Variants in GPHN observed in about 807,000 individuals in gnomAD.
GPHN encodes the protein gephyrin.
A neutral mutation model predicts 95.5 loss-of-function variants in GPHN; 17 were observed. The ratio of observed to expected loss-of-function variants is 0.18; its 90% CI spans 0.12 to 0.27. The LOEUF (loss-of-function observed/expected upper bound fraction) is 0.27, where lower values mean the gene tolerates loss of function less well. Among genes scored for constraint, GPHN ranks in the 10% least tolerant of loss-of-function variants. The pLI is 1.00. For synonymous variants in GPHN, 320 were observed against 322.5 expected, an observed-to-expected ratio of 0.99 and a Z score of 0.08; for missense variants, 660 against 978.1, an observed-to-expected ratio of 0.67 and a Z score of 4.34.
At chr14:66,852,923 A>G (rs1364556740) in intron 4 of GPHN, among the ~76,000 whole-genome samples, 1 of 152,194 alleles carries the variant, frequency 6.6e-6, no homozygotes, top group Admixed American at 6.5e-5. Flanking sequence ...TTATTATAAC[A>G]TCTATATTCA....
At chr14:66,834,496 G>T (rs762513348) in intron 4 of GPHN, among the ~76,000 whole-genome samples, 1 of 152,082 alleles carries the variant, frequency 6.6e-6, no homozygotes, top group Non-Finnish European at 1.5e-5. Context: ...GGCCTTTTCT[G>T]CATGTATTGA....
At chr14:67,458,958 G>A in the GPHN span, among the ~76,000 whole-genome samples, 3 of 152,206 alleles carry the variant, frequency 2.0e-5, no homozygotes, top group Non-Finnish European at 4.4e-5. Flanking sequence ...CACGATCTTG[G>A]CCCACTGCAA....
At position 66,946,071 on chromosome 14, in the gene GPHN, A is replaced by G. The variant is rs186286255; in HGVS notation, c.829-19120A>G. ...TATGTTTGGGATCAAATTTTGAGTT[A>G]TCAGAGGAAACTTAGACATGTAATT... is the stretch of plus-strand genomic sequence containing the variant. On this transcript the variant is annotated intron_variant, in intron 8 of 22. Coordinates refer to ENST00000478722, the MANE Select transcript of GPHN (RefSeq NM_020806.5). Among the ~76,000 whole-genome samples the G allele has an allele frequency of 3.9e-3, 596 of 152,212 alleles. 5 individuals carry two copies. Among genetic ancestry groups the G allele is most frequent in the African/African-American group, 0.014 (573 of 41,530 alleles).
chr14:67,424,764 C>G, the GPHN span, among the ~76,000 whole-genome samples: 3 of 152,096 alleles, frequency 2.0e-5, no homozygotes, highest in Admixed American at 6.6e-5. Context: ...GGGGAGGAAG[C>G]CCACAGGATT....
the GPHN span, chr14:67,693,105 G>A: frequency 2.4e-6 from 3 of 1,269,790 alleles, no homozygotes; most frequent in Non-Finnish European, 3.4e-6. Context: ...GTCTCAGCCA[G>A]TAGGTTCCTG....
the GPHN span, among the ~76,000 whole-genome samples, chr14:67,331,911 T>A: frequency 6.9e-6 from 1 of 144,330 alleles, no homozygotes; most frequent in Admixed American, 7.0e-5. Context: ...GTGTGCCATA[T>A]TCAGATGTAC....
At chr14:67,278,946 A>T in the GPHN span, 1 of 405,434 alleles carries the variant, frequency 2.5e-6, no homozygotes, top group South Asian at 4.7e-5. Flanking sequence ...TGGTGATTAG[A>T]AGTGGGCTCT....
the GPHN span, among the ~76,000 whole-genome samples, chr14:67,445,551 C>T: frequency 2.8e-5 from 4 of 142,126 alleles, no homozygotes; most frequent in Non-Finnish European, 6.2e-5. Context: ...AAGAAACAGC[C>T]TCAACCTGGT....
At chr14:67,502,587 G>A in the GPHN span, among the ~76,000 whole-genome samples, 3 of 151,144 alleles carry the variant, frequency 2.0e-5, no homozygotes, top group Admixed American at 2.0e-4. Context: ...TGAGTAGCTG[G>A]GATTACAGCC....
the GPHN span, among the ~76,000 whole-genome samples, chr14:67,289,962 C>A: frequency 2.0e-5 from 3 of 151,922 alleles, no homozygotes; most frequent in East Asian, 5.8e-4. Flanking sequence ...TTAGTAGAGA[C>A]GGGGTTTCAC....
chr14:67,724,141 C>T, the GPHN span, among the ~76,000 whole-genome samples: 1 of 152,194 alleles, frequency 6.6e-6, no homozygotes, highest in South Asian at 2.1e-4. Flanking sequence ...GAAAGCTTTC[C>T]TCTGGAACCT....
rs932331451 is a variant in GPHN at position 66,569,461 on chromosome 14, G to A, written c.64+60870G>A. On this transcript the variant is annotated intron_variant, in intron 1 of 22. Coordinates refer to ENST00000478722, the MANE Select transcript of GPHN (RefSeq NM_020806.5). The stretch of plus-strand genomic sequence containing the variant: ...GCAGATCACTTGAGGTCAGGAGTTC[G>A]AGACCAGCCTGGCCAACATGGTGAA... 5.9e-5 allele frequency among the ~76,000 whole-genome samples: 9 copies of A among 151,918 alleles called. No homozygotes were observed. In the South Asian group the frequency reaches 1.7e-3, roughly 28 times the overall value.
At chr14:66,830,694 A>G (rs1008205457) in intron 4 of GPHN, among the ~76,000 whole-genome samples, 1 of 152,158 alleles carries the variant, frequency 6.6e-6, no homozygotes, top group Non-Finnish European at 1.5e-5. Flanking sequence ...GGAAAATACT[A>G]CAAAATGGTA....
At chr14:67,639,438 T>G in the GPHN span, among the ~76,000 whole-genome samples, 1 of 152,134 alleles carries the variant, frequency 6.6e-6, no homozygotes, top group East Asian at 1.9e-4. Flanking sequence ...TTCCTTAGAG[T>G]GCAATTACCA....
At chr14:67,538,256 T>C in the GPHN span, among the ~76,000 whole-genome samples, 1 of 152,196 alleles carries the variant, frequency 6.6e-6, no homozygotes, top group African/African-American at 2.4e-5. Flanking sequence ...AGCATCATCA[T>C]GGGAAGAGGA....
chr14:67,627,197 T>G, the GPHN span, among the ~76,000 whole-genome samples: 1 of 151,246 alleles, frequency 6.6e-6, no homozygotes, highest in Admixed American at 6.6e-5. Flanking sequence ...GGATGAATTT[T>G]ATGGTATGTG....
the GPHN span, among the ~76,000 whole-genome samples, chr14:67,288,101 A>T: frequency 6.6e-6 from 1 of 151,714 alleles, no homozygotes; most frequent in South Asian, 2.1e-4. Context: ...TTCCTTCGAG[A>T]CAGAGTCTCA....
chr14:67,557,207 C>T, the GPHN span: 6 of 1,449,678 alleles, frequency 4.1e-6, no homozygotes, highest in Non-Finnish European at 5.7e-6. Flanking sequence ...TCCCACGTTA[C>T]TGGCCACTGC....
At chr14:66,565,819 T>C (rs1184734863) in intron 1 of GPHN, among the ~76,000 whole-genome samples, 1 of 152,184 alleles carries the variant, frequency 6.6e-6, no homozygotes, top group African/African-American at 2.4e-5. Context: ...ATTTTATCTT[T>C]GTCATTTCAC....
Sources: gnomAD v4.1 joint callset for allele counts (sites outside exome capture counted in the v4.1 genomes callset) on GRCh38, gnomAD v4.1.1 for gene constraint, MANE v1.5 for transcripts, NCBI Gene and HGNC (gene_info 2026-07-23, HGNC 2026-07-21) for gene names.